PCDHGA6: variants seen among roughly 807,000 people sequenced by gnomAD.
PCDHGA6 encodes protocadherin gamma subfamily A, 6.
PCDHGA6 carries 41 observed loss-of-function variants against 60.6 expected under a neutral mutation model. That is an observed-to-expected ratio of 0.68 (90% CI 0.53 to 0.88). PCDHGA6 has a LOEUF of 0.88. Ranked by LOEUF, PCDHGA6 falls within the 40% of genes least tolerant of loss-of-function variation. PCDHGA6 has a pLI of 0.00. For synonymous variants in PCDHGA6, 594 were observed against 524.4 expected (o/e 1.13, Z -1.81); for missense variants, 1,312 against 1,203.0 (o/e 1.09, Z -1.34).
chr5:141,393,098 C>G (rs1172367083), intron 1 of PCDHGA6: 1 of 1,613,610 alleles, frequency 6.2e-7, no homozygotes, highest in African/African-American at 1.3e-5. Flanking sequence ...GGGAGGAGCT[C>G]TGCGCTCAGA....
intron 1 of PCDHGA6, chr5:141,478,608 G>C (rs751033009): frequency 7.7e-6 from 12 of 1,558,942 alleles, no homozygotes; most frequent in Middle Eastern, 1.7e-4. Context: ...ATCATATTGA[G>C]GAAGGAATGG....
intron 1 of PCDHGA6, among the ~76,000 whole-genome samples, chr5:141,456,059 G>A (rs1200043527): frequency 1.3e-5 from 2 of 151,662 alleles, no homozygotes; most frequent in Non-Finnish European, 1.5e-5. Flanking sequence ...CACCACGTCC[G>A]GCTAATTTTT....
intron 1 of PCDHGA6, chr5:141,421,975 G>T: frequency 6.2e-7 from 1 of 1,610,052 alleles, no homozygotes; most frequent in African/African-American, 1.3e-5. Context: ...CGTATATCGC[G>T]TGAGTGTTCC....
At chr5:141,406,497 G>A (rs918411920) in intron 1 of PCDHGA6, among the ~76,000 whole-genome samples, 2 of 152,200 alleles carry the variant, frequency 1.3e-5, no homozygotes, top group African/African-American at 4.8e-5. Context: ...TCACAAGTGT[G>A]TAAAGTCTGT....
chr5:141,385,157 A>G (rs1338074749), intron 1 of PCDHGA6: 1 of 1,614,208 alleles, frequency 6.2e-7, no homozygotes, highest in East Asian at 2.2e-5. Flanking sequence ...CTGCAGACCT[A>G]TTCCCATGAG....
intron 3 of PCDHGA6, among the ~76,000 whole-genome samples, chr5:141,506,925 A>G (rs1287267937): frequency 1.3e-5 from 2 of 152,152 alleles, no homozygotes; most frequent in African/African-American, 4.8e-5. Context: ...ATACTAAACA[A>G]ACTTTAGGGG....
chr5:141,394,521 G>A (rs761808641), intron 1 of PCDHGA6: 5 of 1,614,212 alleles, frequency 3.1e-6, no homozygotes, highest in Non-Finnish European at 4.2e-6. Flanking sequence ...CCTCCCCACA[G>A]ACGGTTCCAC....
chr5:141,489,359 AG>A lies in PCDHGA6; in HGVS notation c.2425-5447del. On this transcript the variant is annotated intron_variant, in intron 1 of 3. Coordinates refer to ENST00000517434, the MANE Select transcript of PCDHGA6 (RefSeq NM_018919.3). The surrounding 1 kb of genome is among the most constrained non-coding windows in gnomAD (Gnocchi z 4.5). ...CGTTACTCAGTGGTGGAGGAGTCTG[AG>A]CCGGGGACGCTGGTGGGGAATGTTG... 1 of 1,613,110 alleles carries A rather than the reference AG, an allele frequency of 6.2e-7. No homozygotes were observed. The highest frequency in any genetic ancestry group is 1.1e-5 in the South Asian group (1 of 90,984).
intron 1 of PCDHGA6, among the ~76,000 whole-genome samples, chr5:141,436,122 C>T (rs909678739): frequency 4.6e-5 from 7 of 152,128 alleles, no homozygotes; most frequent in African/African-American, 7.2e-5. Flanking sequence ...AACCTCTCTC[C>T]TCCATCATCT....
intron 1 of PCDHGA6, chr5:141,379,021 G>A (rs1199097625): frequency 6.6e-6 from 1 of 152,192 alleles, no homozygotes; most frequent in Admixed American, 6.5e-5. Context: ...TCATGAGTTG[G>A]AAGATTCTAC....
rs2233613 is a variant in PCDHGA6 at position 141,511,203 on chromosome 5, G to A, written c.*30G>A. 0.14 allele frequency: 222,603 copies of A among 1,611,360 alleles called. 15,640 individuals carry two copies. The highest frequency in any genetic ancestry group is 0.18 in the Admixed American group (10,873 of 59,374). ...GAGGCCAGGCCAAGAGCCACAGGGC[G>A]GCCTCTCCCCAACCAGCCCAGCTTC... On this transcript the variant is annotated 3_prime_UTR_variant, in exon 4 of 4. Transcript: ENST00000517434.
chr5:141,415,227 T>A, intron 1 of PCDHGA6: 2 of 1,614,126 alleles, frequency 1.2e-6, no homozygotes, highest in African/African-American at 2.7e-5. Context: ...GCTTCGAGTC[T>A]CCAGCTAACT....
At chr5:141,463,108 T>G (rs1212278355) in intron 1 of PCDHGA6, among the ~76,000 whole-genome samples, 1 of 152,202 alleles carries the variant, frequency 6.6e-6, no homozygotes, top group Non-Finnish European at 1.5e-5. Flanking sequence ...CATCAAGAAT[T>G]CAGCTAATAG....
intron 3 of PCDHGA6, chr5:141,508,010 CAAG>C (rs2099865550): frequency 6.6e-6 from 1 of 152,308 alleles, no homozygotes; most frequent in Non-Finnish European, 1.5e-5. Context: ...GGGATGCTCT[CAAG>C]GAGGCTGCGG....
At chr5:141,439,947 T>C (rs2098140958) in intron 1 of PCDHGA6, 1 of 152,516 alleles carries the variant, frequency 6.6e-6, no homozygotes, top group Non-Finnish European at 1.5e-5. Flanking sequence ...TTCTCTATGA[T>C]GCAGATCCGT....
At chr5:141,492,189 G>A (rs2099737936) in intron 1 of PCDHGA6, among the ~76,000 whole-genome samples, 1 of 152,204 alleles carries the variant, frequency 6.6e-6, no homozygotes, top group East Asian at 1.9e-4. Flanking sequence ...GCACCTGTCT[G>A]CGGGACTTAG....
chr5:141,494,937 G>C (rs759078748), intron 2 of PCDHGA6, 72 bp downstream of exon 2: 1 of 1,612,276 alleles, frequency 6.2e-7, no homozygotes, highest in African/African-American at 1.3e-5. Flanking sequence ...GAGGAGATGG[G>C]GGAGGGCCCA....
chr5:141,421,847 C>G, intron 1 of PCDHGA6: 1 of 1,613,752 alleles, frequency 6.2e-7, no homozygotes, highest in Non-Finnish European at 8.5e-7. Flanking sequence ...GAGAAAGAGG[C>G]TGCTCACCTG....
Position 141,489,653 on chromosome 5 carries a change from G to C in PCDHGA6, c.2425-5154G>C. ...TCTCCTAGCTTTGCCACCCCTGAGCGAGAGATGCGCATCTCAGAATCAGCA... is the reference window on the plus strand; with the variant it reads ...TCTCCTAGCTTTGCCACCCCTGAGCCAGAGATGCGCATCTCAGAATCAGCA... On this transcript the variant is annotated intron_variant, in intron 1 of 3. Coordinates refer to ENST00000517434, the MANE Select transcript of PCDHGA6 (RefSeq NM_018919.3). The surrounding 1 kb of genome is among the most constrained non-coding windows in gnomAD (Gnocchi z 4.5). 3 of 1,614,164 alleles carry C rather than the reference G, an allele frequency of 1.9e-6. No individual in the cohort carries two copies. The highest frequency in any genetic ancestry group is 2.5e-6 in the Non-Finnish European group (3 of 1,180,018).
Sources: gnomAD v4.1 joint callset for allele counts (sites outside exome capture counted in the v4.1 genomes callset) on GRCh38, gnomAD v4.1.1 for gene constraint, Gnocchi (gnomAD v3.1) non-coding constraint, MANE v1.5 for transcripts, NCBI Gene and HGNC (gene_info 2026-07-23, HGNC 2026-07-21) for gene names.